ARHGAP31: variants seen among roughly 807,000 people sequenced by gnomAD.
The protein encoded by ARHGAP31 is rho GTPase-activating protein 31.
Under a neutral mutation model 113.9 loss-of-function variants are expected in ARHGAP31, and 34 were observed. The ratio of observed to expected loss-of-function variants is 0.30; its 90% CI spans 0.23 to 0.40. ARHGAP31 has a LOEUF of 0.40. Ranked by LOEUF, ARHGAP31 falls within the 10% of genes least tolerant of loss-of-function variation. ARHGAP31 has a pLI of 1.00. For missense variants in ARHGAP31, 1,548 were observed against 1,767.1 expected, an observed-to-expected ratio of 0.88 and a Z score of 2.22; for synonymous variants, 650 against 684.8, an observed-to-expected ratio of 0.95 and a Z score of 0.79.
rs902388299 is a variant in ARHGAP31, at chr3:119,390,770, C to T, written c.683-15C>T. The T allele has an allele frequency of 4.1e-5, 66 of 1,611,162 alleles. No homozygotes were observed. The highest frequency in any genetic ancestry group is 5.4e-5 in the Non-Finnish European group (64 of 1,179,726). ...AGGCCTCCTCCAACACTGAGCTCTT[C>T]CATTGCCTTTACAGAAAACCGGCCC... On this transcript the variant is annotated splice_polypyrimidine_tract_variant and intron_variant, in intron 6 of 11. Transcript: ENST00000264245.
intron 1 of ARHGAP31, chr3:119,322,599 ACCT>A (rs1373024033): frequency 6.5e-6 from 1 of 152,904 alleles, no homozygotes; most frequent in Non-Finnish European, 1.5e-5. Flanking sequence ...GCCACCTCCC[ACCT>A]CAGCCTCCCA....
intron 2 of ARHGAP31, among the ~76,000 whole-genome samples, chr3:119,367,410 T>A (rs1196892486): frequency 6.6e-6 from 1 of 152,208 alleles, no homozygotes; most frequent in Non-Finnish European, 1.5e-5. Context: ...TCATGTAACC[T>A]TTTTAGGAAA....
At chr3:119,392,961 A>G (rs56129904) in intron 7 of ARHGAP31, among the ~76,000 whole-genome samples, 21,899 of 152,102 alleles carry the variant, frequency 0.14, 1,744 homozygotes, top group East Asian at 0.28. Context: ...AAAACTGGCC[A>G]TGTGTGGTGG....
chr3:119,300,490 G>A (rs936652278), intron 1 of ARHGAP31, among the ~76,000 whole-genome samples: 13 of 152,178 alleles, frequency 8.5e-5, no homozygotes, highest in Admixed American at 2.6e-4. Flanking sequence ...TATACACTCA[G>A]GAACTAAAGG....
At chr3:119,391,087 G>A in intron 7 of ARHGAP31, 104 bp downstream of exon 7, 1 of 1,291,950 alleles carries the variant, frequency 7.7e-7, no homozygotes, top group Non-Finnish European at 1.1e-6. Context: ...TGGGTTGGAG[G>A]TACCGTCTGG....
chr3:119,311,105 C>T (rs146362779), intron 1 of ARHGAP31, among the ~76,000 whole-genome samples: 7,281 of 152,258 alleles, frequency 0.048, 344 homozygotes, highest in Admixed American at 0.15. Flanking sequence ...GTAGATTCCC[C>T]AGTTGGCCAA....
intron 1 of ARHGAP31, among the ~76,000 whole-genome samples, chr3:119,299,610 T>C (rs1299796991): frequency 2.0e-5 from 3 of 152,226 alleles, no homozygotes; most frequent in Non-Finnish European, 2.9e-5. Flanking sequence ...ATTCTCTTTC[T>C]TTATCTATTT....
At chr3:119,400,549 C>T (rs1200248322) in intron 9 of ARHGAP31, among the ~76,000 whole-genome samples, 3 of 152,106 alleles carry the variant, frequency 2.0e-5, no homozygotes, top group Non-Finnish European at 4.4e-5. Context: ...CTTTTATATT[C>T]ATCTATTTGC....
rs565513100 is a variant in ARHGAP31, at chr3:119,392,134, G to C, written c.881+1151G>C. Among the ~76,000 whole-genome samples, 10 of 152,302 alleles carry C rather than the reference G, an allele frequency of 6.6e-5. No individual in the cohort carries two copies. In the South Asian group the frequency reaches 2.1e-3, roughly 32 times the overall value. The stretch of plus-strand genomic sequence containing the variant: ...AGAGGAAACCACCAAGCACTGCAAA[G>C]CTATCTCAGATGGATCATAAAAACA... On this transcript the variant is annotated intron_variant, in intron 7 of 11. Transcript: ENST00000264245.
chr3:119,303,876 C>T (rs1559960439), intron 1 of ARHGAP31, among the ~76,000 whole-genome samples: 1 of 152,060 alleles, frequency 6.6e-6, no homozygotes, highest in East Asian at 1.9e-4. Context: ...CTCACTGCAA[C>T]CTCCACCTCC....
chr3:119,300,142 G>A (rs1409140568), intron 1 of ARHGAP31, among the ~76,000 whole-genome samples: 2 of 152,248 alleles, frequency 1.3e-5, no homozygotes, highest in Non-Finnish European at 2.9e-5. Context: ...CCTGGAGCCA[G>A]TTATTTACCC....
rs199708581 is a variant in ARHGAP31, at chr3:119,415,912, G to A, written c.3983G>A (p.Arg1328Gln). The A allele has an allele frequency of 7.9e-5, 128 of 1,614,176 alleles. No individual in the cohort carries two copies. The East Asian group carries it at 1.7e-3, about 21-fold the overall frequency. The part of the protein sequence containing the change: ...GDNLLSSKLE[R>Q]PSGGSKPFHR... ...AACCTTCTTTCTTCAAAACTAGAGC[G>A]ACCATCTGGGGGTTCTAAGCCTTTC... is the stretch of plus-strand genomic sequence containing the variant. Residue 1328 changes from arginine (R) to glutamine (Q), a missense_variant, in exon 12 of 12, where the codon CGA becomes CAA. Arg to Gln is a conservative substitution (Grantham distance 43). Transcript: ENST00000264245.
At chr3:119,349,166 G>A (rs2080088895) in intron 1 of ARHGAP31, among the ~76,000 whole-genome samples, 1 of 151,924 alleles carries the variant, frequency 6.6e-6, no homozygotes, top group Non-Finnish European at 1.5e-5. Context: ...ATATCTTTTT[G>A]TTGGGATCTG....
chr3:119,305,255 T>A (rs1169178590), intron 1 of ARHGAP31, among the ~76,000 whole-genome samples: 2 of 152,328 alleles, frequency 1.3e-5, no homozygotes, highest in East Asian at 3.9e-4. Context: ...CATTTTGCCA[T>A]GCATTGCCAA....
At chr3:119,375,237 C>T (rs62266689) in intron 3 of ARHGAP31, among the ~76,000 whole-genome samples, 15,284 of 152,208 alleles carry the variant, frequency 0.1, 793 homozygotes, top group South Asian at 0.13. Context: ...CTGAAATCGG[C>T]TTCACTGGGC....
intron 3 of ARHGAP31, among the ~76,000 whole-genome samples, chr3:119,372,280 C>CT (rs758369404): frequency 0.032 from 4,170 of 128,942 alleles, 133 homozygotes; most frequent in Non-Finnish European, 0.05. Context: ...TTATTTCTGA[C>CT]TTTTTTTTTT....
chr3:119,393,527 ATCAGAC>A lies in ARHGAP31; in HGVS notation c.945_950del (p.Asp316_Ser317del). ...CAATATTTAACCTGGGACGTTCTGG[ATCAGAC>A]TCCAAATCAAAACTGAGTAGAAATG... On this transcript the variant is annotated inframe_deletion, in exon 8 of 12. Coordinates refer to ENST00000264245, the MANE Select transcript of ARHGAP31 (RefSeq NM_020754.4). The A allele has an allele frequency of 6.2e-7, 1 of 1,614,162 alleles. No individual in the cohort carries two copies. The highest frequency in any genetic ancestry group is 1.6e-4 in the Middle Eastern group (1 of 6,062).
At chr3:119,372,312 T>C (rs2080305502) in intron 3 of ARHGAP31, among the ~76,000 whole-genome samples, 1 of 146,058 alleles carries the variant, frequency 6.8e-6, no homozygotes, top group Admixed American at 7.0e-5. Context: ...AGACAGAGTC[T>C]CACTCTTGTC....
In ARHGAP31 at chr3:119,394,284, A is replaced by G. The variant is rs79968136; in HGVS notation, c.1006+693A>G. On this transcript the variant is annotated intron_variant, in intron 8 of 11. Coordinates refer to ENST00000264245, the MANE Select transcript of ARHGAP31 (RefSeq NM_020754.4). ...CCTCTGATGGTTCTTGGATGTAACA[A>G]TTATTCCTATGGCATTTGCTAAATG... Among the ~76,000 whole-genome samples, 192 of 152,326 alleles carry G rather than the reference A, an allele frequency of 1.3e-3. 1 individual carries two copies. Among genetic ancestry groups the G allele is most frequent in the African/African-American group, 4.5e-3 (186 of 41,584 alleles).
Sources: gnomAD v4.1 joint callset for allele counts (sites outside exome capture counted in the v4.1 genomes callset) on GRCh38, gnomAD v4.1.1 for gene constraint, MANE v1.5 for transcripts, NCBI Gene and HGNC (gene_info 2026-07-23, HGNC 2026-07-21) for gene names.